The following FMN2 variants were observed in gnomAD, a reference collection of about 807,000 sequenced individuals.
The protein encoded by FMN2 is formin 2, also known as formin-2.
Under a neutral mutation model 142.3 loss-of-function variants are expected in FMN2, and 51 were observed. The observed-to-expected ratio is 0.36, with a 90% confidence interval of 0.29 to 0.45. The LOEUF is 0.45. Among genes scored for constraint, FMN2 ranks in the 20% least tolerant of loss-of-function variants. The probability of loss-of-function intolerance (pLI) is 1.00; values close to 1 mark genes in which losing one functional copy is unlikely to be tolerated. For synonymous variants in FMN2, 882 were observed against 869.8 expected (o/e 1.01, Z -0.25); for missense variants, 1,936 against 2,122.8 (o/e 0.91, Z 1.73).
At chr1:240,449,358 G>A (rs1321581266) in intron 16 of FMN2, among the ~76,000 whole-genome samples, 1 of 152,062 alleles carries the variant, frequency 6.6e-6, no homozygotes, top group Non-Finnish European at 1.5e-5. Flanking sequence ...CCAAGTCACC[G>A]CTCAGGCTTT....
intron 7 of FMN2, among the ~76,000 whole-genome samples, chr1:240,279,214 G>T (rs1669317110): frequency 6.6e-6 from 1 of 152,060 alleles, no homozygotes; most frequent in South Asian, 2.1e-4. Flanking sequence ...TATTACGAGC[G>T]ATTGAAGGAT....
At chr1:240,421,899 G>T (rs1674777498) in intron 15 of FMN2, among the ~76,000 whole-genome samples, 2 of 152,122 alleles carry the variant, frequency 1.3e-5, no homozygotes, top group Admixed American at 1.3e-4. Context: ...GACAAGGACA[G>T]GCTCTCATAC....
intron 8 of FMN2, among the ~76,000 whole-genome samples, chr1:240,311,518 A>AC (rs1389928228): frequency 1.3e-5 from 2 of 152,070 alleles, no homozygotes; most frequent in Non-Finnish European, 2.9e-5. Flanking sequence ...TCAACCATAA[A>AC]CGTGCTTAAG....
chr1:240,464,571 C>G (rs927556781), intron 16 of FMN2, among the ~76,000 whole-genome samples: 3 of 152,034 alleles, frequency 2.0e-5, no homozygotes, highest in Non-Finnish European at 4.4e-5. Flanking sequence ...GTCAAGGAGT[C>G]CTAGATTTTA....
chr1:240,316,788 A>G (rs952761153), intron 8 of FMN2, among the ~76,000 whole-genome samples: 8 of 152,156 alleles, frequency 5.3e-5, no homozygotes, highest in Non-Finnish European at 7.3e-5. Context: ...TAAAAATAGT[A>G]CACTGTGTCC....
At chr1:240,232,828 A>T (rs956656975) in intron 6 of FMN2, among the ~76,000 whole-genome samples, 1 of 151,822 alleles carries the variant, frequency 6.6e-6, no homozygotes, top group Non-Finnish European at 1.5e-5. Flanking sequence ...TCTACTATAC[A>T]TTTTTTTTCC....
At chr1:240,272,215 A>C (rs943401045) in intron 7 of FMN2, among the ~76,000 whole-genome samples, 2 of 152,164 alleles carry the variant, frequency 1.3e-5, no homozygotes, top group African/African-American at 4.8e-5. Context: ...CTGTTCTTTA[A>C]GATCAGTGGG....
intron 4 of FMN2, among the ~76,000 whole-genome samples, chr1:240,195,019 G>A (rs891176569): frequency 6.6e-6 from 1 of 151,966 alleles, no homozygotes; most frequent in Non-Finnish European, 1.5e-5. Flanking sequence ...CAAAATGTTA[G>A]CTCTTTATCA....
chr1:240,399,495 T>C (rs1673899713), intron 15 of FMN2, among the ~76,000 whole-genome samples: 1 of 152,152 alleles, frequency 6.6e-6, no homozygotes, highest in Admixed American at 6.5e-5. Context: ...CTATTACGTC[T>C]TATGGGAGCC....
chr1:240,459,961 A>G (rs1007665243), intron 16 of FMN2, among the ~76,000 whole-genome samples: 1 of 152,098 alleles, frequency 6.6e-6, no homozygotes, highest in African/African-American at 2.4e-5. Flanking sequence ...CCATTGGAAA[A>G]TGTCTGTGTC....
rs971105785 is a variant in FMN2 at position 240,229,866 on chromosome 1, G to A, written c.4065+18631G>A. Among the ~76,000 whole-genome samples the A allele has an allele frequency of 4.6e-5, 6 of 130,218 alleles. No homozygotes were observed. In the South Asian group the frequency reaches 7.2e-4, roughly 16 times the overall value. 85.4% of individuals were successfully genotyped at this position (130,218 alleles called of 152,430 possible). On this transcript the variant is annotated intron_variant, in intron 6 of 17. Transcript: ENST00000319653. ...TCACCATGTTGGTCAGGCTGGTCTC[G>A]AACTGCTGACCTCAGGTAATCCACT...
chr1:240,345,892 A>G (rs775368085), intron 13 of FMN2, among the ~76,000 whole-genome samples: 2 of 152,196 alleles, frequency 1.3e-5, no homozygotes, highest in African/African-American at 4.8e-5. Flanking sequence ...TGGCATTCAT[A>G]TTGATAGCAA....
At chr1:240,432,046 G>C (rs1159542954) in intron 15 of FMN2, among the ~76,000 whole-genome samples, 2 of 151,716 alleles carry the variant, frequency 1.3e-5, no homozygotes, top group African/African-American at 2.4e-5. Context: ...GTGTAAGATT[G>C]GCTTTATTTC....
chr1:240,116,771 G>A (rs542270772), intron 1 of FMN2, among the ~76,000 whole-genome samples: 1 of 151,928 alleles, frequency 6.6e-6, no homozygotes, highest in South Asian at 2.1e-4. Context: ...AAAAAAAATG[G>A]AAACAAAAAG....
At chr1:240,437,292 CTTTTT>C (rs10649766) in intron 15 of FMN2, among the ~76,000 whole-genome samples, 1 of 117,394 alleles carries the variant, frequency 8.5e-6, no homozygotes, top group Non-Finnish European at 1.7e-5. Flanking sequence ...GCATCTCTTG[CTTTTT>C]TTTTTTTTTT....
intron 15 of FMN2, among the ~76,000 whole-genome samples, chr1:240,409,403 C>T (rs1674322238): frequency 6.6e-6 from 1 of 152,148 alleles, no homozygotes; most frequent in Admixed American, 6.5e-5. Flanking sequence ...CTCAGCCTCC[C>T]AAAGTGCAGG....
At chr1:240,344,447 G>A (rs748964072) in intron 13 of FMN2, among the ~76,000 whole-genome samples, 4 of 152,118 alleles carry the variant, frequency 2.6e-5, no homozygotes, top group Non-Finnish European at 5.9e-5. Context: ...TTTTCCCAAA[G>A]TTGATAAGCC....
chr1:240,287,571 G>A (rs1669633645), intron 7 of FMN2, among the ~76,000 whole-genome samples: 1 of 152,080 alleles, frequency 6.6e-6, no homozygotes, highest in African/African-American at 2.4e-5. Context: ...AGTCTTCTAT[G>A]TTACTATCAG....
At chr1:240,113,300 G>T (rs545211608) in intron 1 of FMN2, among the ~76,000 whole-genome samples, 2 of 151,792 alleles carry the variant, frequency 1.3e-5, no homozygotes, top group Non-Finnish European at 2.9e-5. Flanking sequence ...ACGGTGGTGC[G>T]CACCTGTAAT....
Sources: gnomAD v4.1 joint callset for allele counts (sites outside exome capture counted in the v4.1 genomes callset) on GRCh38, gnomAD v4.1.1 for gene constraint, MANE v1.5 for transcripts, NCBI Gene and HGNC (gene_info 2026-07-23, HGNC 2026-07-21) for gene names.